FGD1: variants seen among roughly 807,000 people sequenced by gnomAD.
The protein encoded by FGD1 is FYVE, RhoGEF and PH domain-containing protein 1.
In FGD1, 12 loss-of-function variants were observed where a neutral mutation model predicts 65.0. That is an observed-to-expected ratio of 0.18 (90% CI 0.12 to 0.30). The LOEUF is 0.30. FGD1 is among the 10% of genes least tolerant of loss of function. The pLI is 1.00. For synonymous variants in FGD1, 333 were observed against 343.9 expected, an observed-to-expected ratio of 0.97 and a Z score of 0.35; for missense variants, 542 against 837.6, an observed-to-expected ratio of 0.65 and a Z score of 4.36.
chrX:54,470,740 G>T lies in FGD1; in HGVS notation c.502C>A (p.Leu168Met), dbSNP rs755027957. The T allele has an allele frequency of 1.8e-6, 2 of 1,106,572 alleles. No homozygotes were observed. The highest frequency in any genetic ancestry group is 2.0e-5 in the South Asian group (1 of 50,004). The allele number at this position is 1,106,572 out of a possible 1,213,427, so 91.2% of individuals were successfully genotyped here. A position where few individuals can be genotyped will look rare whatever the true frequency, so the allele number is the denominator to read the frequency against. Reference sequence around the variant, plus strand: ...GGGGGGGGCATCCGGGGCATCTGCAGGTAGCTGGGCTTTGGGGGCACTGGA... The same window carrying T: ...GGGGGGGGCATCCGGGGCATCTGCATGTAGCTGGGCTTTGGGGGCACTGGA... ...KPQVPPKPSY[L>M]QMPRMPPPLE... Residue 168 changes from leucine to methionine, a missense_variant, in exon 3 of 18, where the codon CTG (leucine) becomes ATG (methionine). Physicochemically the swap from Leu to Met is conservative, Grantham distance 15. Around this residue, in one of 6 missense-constraint regions of FGD1, gnomAD observed 297 missense variants for 326.8 expected, o/e 0.91. Transcript: ENST00000375135.
At chrX:54,481,443 C>T (rs1923141069) in intron 1 of FGD1, among the ~76,000 whole-genome samples, 1 of 97,163 alleles carries the variant, frequency 1.0e-5, no homozygotes, top group South Asian at 5.5e-4. Context: ...TGTGTTGATG[C>T]TATCTCGTAT....
At chrX:54,481,266 T>A (rs1923135515) in intron 1 of FGD1, among the ~76,000 whole-genome samples, 1 of 108,925 alleles carries the variant, frequency 9.2e-6, no homozygotes, top group African/African-American at 3.3e-5. Context: ...TGCCTTTTGT[T>A]CTGTGTGACC....
chrX:54,488,966 T>C (rs1242388429), intron 1 of FGD1, among the ~76,000 whole-genome samples: 1 of 111,834 alleles, frequency 8.9e-6, no homozygotes, highest in Non-Finnish European at 1.9e-5. Flanking sequence ...ACCTAGGAAA[T>C]ACCATTTTGG....
intron 1 of FGD1, among the ~76,000 whole-genome samples, chrX:54,489,796 C>T (rs1923375809): frequency 9.0e-6 from 1 of 111,616 alleles, no homozygotes; most frequent in Non-Finnish European, 1.9e-5. Flanking sequence ...ATAACTCAAG[C>T]AGAATTACCA....
intron 1 of FGD1, among the ~76,000 whole-genome samples, chrX:54,482,714 TG>T (rs1923179690): frequency 9.1e-6 from 1 of 110,284 alleles, no homozygotes; most frequent in African/African-American, 3.3e-5. Flanking sequence ...AGAAAGACAC[TG>T]GGACAAACAC....
Position 54,446,005 on chromosome X carries a change from G to A in FGD1, c.*104C>T, listed in dbSNP as rs1922148990. 6.8e-6 allele frequency: 4 copies of A among 587,574 alleles called. No homozygotes were observed. The South Asian group carries it at 1.3e-4, about 18-fold the overall frequency. 48.4% of individuals were successfully genotyped at this position (587,574 alleles called of 1,213,427 possible). A position where few individuals can be genotyped will look rare whatever the true frequency, so the allele number is the denominator to read the frequency against. Reference sequence around the variant, plus strand: ...TTCGGGATTGAAAGTGCCCGTGATGGGAGTTCAAGTATTGACTGAGCTGGG... The same window carrying A: ...TTCGGGATTGAAAGTGCCCGTGATGAGAGTTCAAGTATTGACTGAGCTGGG... On this transcript the variant is annotated 3_prime_UTR_variant, in exon 18 of 18. Transcript: ENST00000375135.
At chrX:54,482,303 C>G (rs995808994) in intron 1 of FGD1, among the ~76,000 whole-genome samples, 1 of 110,303 alleles carries the variant, frequency 9.1e-6, no homozygotes, top group Non-Finnish European at 1.9e-5. Context: ...GCACAAGCAG[C>G]CCATCCCTCT....
chrX:54,447,567 T>C, intron 16 of FGD1, 113 bp from the exon 17 acceptor site: 1 of 817,751 alleles, frequency 1.2e-6, no homozygotes, highest in Non-Finnish European at 1.8e-6. Context: ...ATGAAGACGC[T>C]CAAGCTCAGG....
At chrX:54,456,911 G>A (rs1274473541) in intron 8 of FGD1, among the ~76,000 whole-genome samples, 2 of 111,189 alleles carry the variant, frequency 1.8e-5, no homozygotes, top group African/African-American at 3.3e-5. Flanking sequence ...GATTACAGGC[G>A]TGAGCCACCG....
chrX:54,469,001 A>G (rs927179177), intron 4 of FGD1, 125 bp from the exon 5 acceptor site: 1 of 521,045 alleles, frequency 1.9e-6, no homozygotes, highest in African/African-American at 2.3e-5. Flanking sequence ...GATAACCTTG[A>G]CCCCCATCTC....
chrX:54,471,194 C>T lies in FGD1; in HGVS notation c.481+120G>A, dbSNP rs182608597. 104 of 799,465 alleles carry T rather than the reference C, an allele frequency of 1.3e-4. No homozygotes were observed. In the East Asian group the frequency reaches 3.2e-3, roughly 24 times the overall value. The allele number at this position is 799,465 out of a possible 1,213,427, so 65.9% of individuals were successfully genotyped here. A position where few individuals can be genotyped will look rare whatever the true frequency, so the allele number is the denominator to read the frequency against. ...TGTGCACTAGGTAGGTAGCACTGCC[C>T]TGGGAGCATGGTGGCTCCCTATCCT... On this transcript the variant is annotated intron_variant, in intron 2 of 17. Coordinates refer to ENST00000375135, the MANE Select transcript of FGD1 (RefSeq NM_004463.3).
At position 54,465,595 on chromosome X, in the gene FGD1, A is replaced by G. The variant is rs752927196; in HGVS notation, c.1498-6T>C. ...TTGCCACAGGCTTCCTCCTTCTGTGACAGGCAGAAGCAGAGGGGCTCAGAT... is the reference window on the plus strand; with the variant it reads ...TTGCCACAGGCTTCCTCCTTCTGTGGCAGGCAGAAGCAGAGGGGCTCAGAT... On this transcript the variant is annotated splice_region_variant and splice_polypyrimidine_tract_variant and intron_variant, in intron 7 of 17. Transcript: ENST00000375135. The G allele has an allele frequency of 9.9e-6, 12 of 1,207,118 alleles. No individual in the cohort carries two copies. Among genetic ancestry groups the G allele is most frequent in the Non-Finnish European group, 1.3e-5 (12 of 893,977 alleles).
Position 54,470,758 on chromosome X carries a change from G to A in FGD1, c.484C>T (p.Pro162Ser). 2 of 1,076,507 alleles carry A rather than the reference G, an allele frequency of 1.9e-6. No homozygotes were observed. The highest frequency in any genetic ancestry group is 2.5e-6 in the Non-Finnish European group (2 of 796,741). The allele number at this position is 1,076,507 out of a possible 1,213,427, so 88.7% of individuals were successfully genotyped here. A position where few individuals can be genotyped will look rare whatever the true frequency, so the allele number is the denominator to read the frequency against. ...ATCTGCAGGTAGCTGGGCTTTGGGGGCACTGGAGAGACGAATGGGGAAGAG... is the reference window on the plus strand; with the variant it reads ...ATCTGCAGGTAGCTGGGCTTTGGGGACACTGGAGAGACGAATGGGGAAGAG... ...KRAPGPKPQV[P>S]PKPSYLQMPR... The change falls in exon 3 of 18, where the codon CCC (proline) becomes TCC (serine). Residue 162 changes from proline to serine, a missense_variant and splice_region_variant. By Grantham distance (74) the Pro-to-Ser change is moderately conservative (BLOSUM62 -1). Coordinates refer to ENST00000375135, the MANE Select transcript of FGD1 (RefSeq NM_004463.3).
At position 54,450,274 on chromosome X, in the gene FGD1, G is replaced by A. The variant is rs144902747; in HGVS notation, c.2043C>T (p.Val681=). The A allele has an allele frequency of 2.9e-4, 345 of 1,207,972 alleles. No individual in the cohort carries two copies. Among genetic ancestry groups the A allele is most frequent in the Middle Eastern group, 4.6e-4 (2 of 4,339 alleles). The change falls in exon 13 of 18, where the codon GTC becomes GTT. Residue 681 remains valine, a synonymous_variant. Coordinates refer to ENST00000375135, the MANE Select transcript of FGD1 (RefSeq NM_004463.3). ...ACCACAGAGCCTTGGATGTTACCTG[G>A]ACCCAGTCTTTCTTCTCCTCCTCAG... ...ARTEEEKKDW[V]QAINSTLLKH...
chrX:54,486,748 G>C (rs1356093044), intron 1 of FGD1, among the ~76,000 whole-genome samples: 2 of 105,499 alleles, frequency 1.9e-5, no homozygotes, highest in East Asian at 3.3e-4. Flanking sequence ...CAGCACTTTG[G>C]GAGGCCAAGG....
At chrX:54,461,236 TG>T (rs1007351487) in intron 8 of FGD1, among the ~76,000 whole-genome samples, 3 of 110,855 alleles carry the variant, frequency 2.7e-5, no homozygotes, top group Admixed American at 1.9e-4. Flanking sequence ...TGGCTTAATT[TG>T]GGGGACAGTC....
At chrX:54,455,854 G>T in intron 10 of FGD1, 70 bp from the exon 11 acceptor site, 1 of 904,298 alleles carries the variant, frequency 1.1e-6, no homozygotes, top group Non-Finnish European at 1.6e-6. Context: ...TCCTTGCCCT[G>T]AAGCTTTACT....
intron 14 of FGD1, 79 bp downstream of exon 14, chrX:54,449,580 G>C (rs898019620): frequency 4.5e-6 from 3 of 673,096 alleles, no homozygotes; most frequent in African/African-American, 2.2e-5. Context: ...GAAAGGGAGA[G>C]GATCATCTAA....
intron 1 of FGD1, among the ~76,000 whole-genome samples, chrX:54,487,182 C>A (rs1324407225): frequency 9.2e-6 from 1 of 109,194 alleles, no homozygotes; most frequent in African/African-American, 3.3e-5. Context: ...TCAAATATGC[C>A]TTAAAAACGG....
Sources: gnomAD v4.1 joint callset for allele counts (sites outside exome capture counted in the v4.1 genomes callset) on GRCh38, gnomAD v4.1.1 for gene constraint, gnomAD v4.1.1 regional missense constraint, MANE v1.5 for transcripts, NCBI Gene and HGNC (gene_info 2026-07-23, HGNC 2026-07-21) for gene names.